The following FRMD5 variants were observed in gnomAD, a reference collection of about 807,000 sequenced individuals.
The protein encoded by FRMD5 is FERM domain containing 5.
FRMD5 carries 20 observed loss-of-function variants against 69.0 expected under a neutral mutation model. That is an observed-to-expected ratio of 0.29 (90% CI 0.20 to 0.42). The LOEUF (loss-of-function observed/expected upper bound fraction) is 0.42. FRMD5 is among the 10% of genes least tolerant of loss of function. The probability of loss-of-function intolerance (pLI) is 1.00; values close to 1 mark genes in which losing one functional copy is unlikely to be tolerated. For missense variants in FRMD5, 595 were observed against 708.6 expected, an observed-to-expected ratio of 0.84 and a Z score of 1.82; for synonymous variants, 271 against 260.1, an observed-to-expected ratio of 1.04 and a Z score of -0.40.
chr15:44,181,213 T>TA (rs1372271056), intron 1 of FRMD5, among the ~76,000 whole-genome samples: 12 of 151,646 alleles, frequency 7.9e-5, no homozygotes, highest in South Asian at 4.2e-4. Context: ...TTTTTTTTTT[T>TA]ATTATTTTTG....
chr15:44,099,198 C>A (rs985586047), intron 1 of FRMD5, among the ~76,000 whole-genome samples: 2 of 152,142 alleles, frequency 1.3e-5, no homozygotes, highest in African/African-American at 4.8e-5. Context: ...ATGCACATGA[C>A]CAATAAAATA....
At chr15:43,981,042 A>C (rs1235925943) in intron 1 of FRMD5, among the ~76,000 whole-genome samples, 1 of 152,128 alleles carries the variant, frequency 6.6e-6, no homozygotes, top group Admixed American at 6.5e-5. Flanking sequence ...TTGAGACAGA[A>C]TTTCACTCTG....
chr15:43,951,961 A>G (rs201145206), intron 1 of FRMD5, among the ~76,000 whole-genome samples: 37 of 111,746 alleles, frequency 3.3e-4, no homozygotes, highest in Middle Eastern at 4.0e-3. Flanking sequence ...CTGTATGTGC[A>G]TGTGTGTGTG....
intron 1 of FRMD5, chr15:44,063,618 C>A: frequency 1.9e-6 from 1 of 515,388 alleles, no homozygotes; most frequent in South Asian, 1.5e-5. Context: ...TCAATGATCC[C>A]TTTGTTGACC....
intron 1 of FRMD5, among the ~76,000 whole-genome samples, chr15:43,936,093 C>G (rs972497587): frequency 6.6e-6 from 1 of 152,216 alleles, no homozygotes; most frequent in South Asian, 2.1e-4. Flanking sequence ...ACTCTCCTCT[C>G]CATTACTGGG....
chr15:44,137,003 A>C (rs1595507740), intron 1 of FRMD5, among the ~76,000 whole-genome samples: 1 of 152,350 alleles, frequency 6.6e-6, no homozygotes, highest in East Asian at 1.9e-4. Context: ...TGCAGGTATA[A>C]AAAAACCTCT....
At chr15:44,132,403 G>T (rs1170675607) in intron 1 of FRMD5, among the ~76,000 whole-genome samples, 4 of 152,160 alleles carry the variant, frequency 2.6e-5, no homozygotes, top group African/African-American at 9.7e-5. Flanking sequence ...GACAGATAGT[G>T]ATGATGGTAG....
chr15:43,928,142 C>T (rs2089616446), intron 1 of FRMD5, among the ~76,000 whole-genome samples: 2 of 152,186 alleles, frequency 1.3e-5, no homozygotes, highest in African/African-American at 2.4e-5. Context: ...TACTTTTCAG[C>T]ACCTGGTGAA....
At chr15:44,033,572 T>G (rs1253808533) in intron 1 of FRMD5, among the ~76,000 whole-genome samples, 1 of 152,230 alleles carries the variant, frequency 6.6e-6, no homozygotes, top group East Asian at 1.9e-4. Flanking sequence ...TTTCATTTAT[T>G]CCATTGTTTA....
chr15:43,906,287 T>G (rs896799323), intron 5 of FRMD5, among the ~76,000 whole-genome samples: 2 of 152,166 alleles, frequency 1.3e-5, no homozygotes, highest in Non-Finnish European at 2.9e-5. Flanking sequence ...GAGAAGATGG[T>G]CTGGGAGCAA....
intron 1 of FRMD5, among the ~76,000 whole-genome samples, chr15:43,951,131 A>G (rs1021779147): frequency 3.3e-5 from 5 of 152,156 alleles, no homozygotes; most frequent in African/African-American, 4.8e-5. Context: ...AAAATATACA[A>G]TAAATAGTGC....
intron 1 of FRMD5, among the ~76,000 whole-genome samples, chr15:43,975,605 G>A (rs867220394): frequency 1.3e-5 from 2 of 152,116 alleles, no homozygotes; most frequent in Non-Finnish European, 2.9e-5. Flanking sequence ...ACAATAAGAC[G>A]TTGCTGAGAG....
intron 1 of FRMD5, among the ~76,000 whole-genome samples, chr15:44,047,213 G>A (rs1022128073): frequency 2.6e-5 from 4 of 152,138 alleles, no homozygotes; most frequent in African/African-American, 9.7e-5. Flanking sequence ...GGAGGCTGAG[G>A]GAGAAGAATT....
At chr15:44,106,232 T>A (rs2076716379) in intron 1 of FRMD5, among the ~76,000 whole-genome samples, 1 of 152,166 alleles carries the variant, frequency 6.6e-6, no homozygotes, top group African/African-American at 2.4e-5. Context: ...ATAAGCCAAA[T>A]TCTTCATGCA....
intron 5 of FRMD5, 147 bp from the exon 6 acceptor site, chr15:43,906,098 G>A (rs539109301): frequency 5.0e-6 from 5 of 1,005,274 alleles, no homozygotes; most frequent in Admixed American, 2.4e-5. Context: ...CTGTGGGCTG[G>A]GCAGAGGGCA....
intron 7 of FRMD5, among the ~76,000 whole-genome samples, chr15:43,901,249 C>T (rs1161890248): frequency 6.6e-6 from 1 of 152,168 alleles, no homozygotes; most frequent in Non-Finnish European, 1.5e-5. Flanking sequence ...TCTCCAGCCT[C>T]CAGAACTGTG....
rs551382858 is a variant in FRMD5 at position 43,980,556 on chromosome 15, TG to T, written c.103-56248del. On this transcript the variant is annotated intron_variant, in intron 1 of 13. Transcript: ENST00000417257. ...CCCTTGGTTCTCTTTCAATACTCCC[TG>T]GCTTGTGGTGCTAGATCTTTCTACT... Among the ~76,000 whole-genome samples the T allele has an allele frequency of 2.0e-4, 30 of 152,242 alleles. 1 individual carries two copies. Among genetic ancestry groups the T allele is most frequent in the Admixed American group, 9.8e-4 (15 of 15,278 alleles).
intron 4 of FRMD5, among the ~76,000 whole-genome samples, chr15:43,911,808 CAG>C (rs1305964779): frequency 1.3e-5 from 2 of 152,098 alleles, no homozygotes; most frequent in Non-Finnish European, 2.9e-5. Flanking sequence ...AAGAATGAAA[CAG>C]AGGATTCCTT....
intron 1 of FRMD5, among the ~76,000 whole-genome samples, chr15:44,033,177 T>A (rs960411249): frequency 6.6e-6 from 1 of 152,156 alleles, no homozygotes; most frequent in Admixed American, 6.6e-5. Flanking sequence ...ATTTTGCTAA[T>A]TATAGCTAAA....
Sources: gnomAD v4.1 joint callset for allele counts (sites outside exome capture counted in the v4.1 genomes callset) on GRCh38, gnomAD v4.1.1 for gene constraint, MANE v1.5 for transcripts, NCBI Gene and HGNC (gene_info 2026-07-23, HGNC 2026-07-21) for gene names.